Variants in ELL2 observed in about 807,000 individuals in gnomAD.
ELL2 encodes the protein RNA polymerase II elongation factor ELL2.
In ELL2, 21 loss-of-function variants were observed where a neutral mutation model predicts 72.8. The observed-to-expected ratio is 0.29, with a 90% CI of 0.20 to 0.42. The LOEUF (loss-of-function observed/expected upper bound fraction) is 0.42. Among genes scored for constraint, ELL2 ranks in the 10% least tolerant of loss-of-function variants. ELL2 has a pLI of 1.00. For missense variants in ELL2, 568 were observed against 772.8 expected (o/e 0.73, Z 3.14); for synonymous variants, 266 against 283.2 (o/e 0.94, Z 0.61).
At chr5:95,960,511 GGTGTGTGTGTATATGT>G (rs949291287) in intron 1 of ELL2, among the ~76,000 whole-genome samples, 5 of 151,778 alleles carry the variant, frequency 3.3e-5, no homozygotes, top group Non-Finnish European at 5.9e-5. Flanking sequence ...GTACTGGAGG[GGTGTGTGTGTATATGT>G]GTGTGTGTGT....
chr5:95,889,166 A>T (rs1339010193), intron 10 of ELL2, 36 bp from the exon 11 acceptor site: 6 of 1,514,364 alleles, frequency 4.0e-6, no homozygotes, highest in Non-Finnish European at 5.5e-6. Flanking sequence ...GAAGAGAACA[A>T]CTTCTTTTGT....
intron 2 of ELL2, among the ~76,000 whole-genome samples, chr5:95,941,642 G>C (rs547461106): frequency 1.3e-5 from 2 of 152,282 alleles, no homozygotes; most frequent in African/African-American, 4.8e-5. Context: ...GAACCCTACT[G>C]CTCCTAGTAA....
intron 9 of ELL2, among the ~76,000 whole-genome samples, chr5:95,892,530 T>C (rs969655823): frequency 1.3e-5 from 2 of 152,350 alleles, no homozygotes; most frequent in Non-Finnish European, 2.9e-5. Context: ...GCACTCTGTG[T>C]TCCTATCATT....
At chr5:95,916,748 GA>G (rs35336485) in intron 3 of ELL2, among the ~76,000 whole-genome samples, 54,974 of 143,312 alleles carry the variant, frequency 0.38, 11,498 homozygotes, top group African/African-American at 0.59. Flanking sequence ...CATGCCAAAG[GA>G]AAAAAAAAAA....
chr5:95,908,547 A>G (rs556799074), intron 4 of ELL2, among the ~76,000 whole-genome samples: 2 of 152,292 alleles, frequency 1.3e-5, no homozygotes, highest in African/African-American at 4.8e-5. Context: ...TGATGACTAA[A>G]TGAATGACAG....
chr5:95,952,964 T>C (rs1390538696), intron 1 of ELL2, among the ~76,000 whole-genome samples: 1 of 152,034 alleles, frequency 6.6e-6, no homozygotes, highest in Non-Finnish European at 1.5e-5. Flanking sequence ...GTGTTTCTAA[T>C]AGGAAGAAGT....
intron 1 of ELL2, among the ~76,000 whole-genome samples, chr5:95,949,770 TA>T (rs1453168369): frequency 6.6e-6 from 1 of 151,944 alleles, no homozygotes; most frequent in Non-Finnish European, 1.5e-5. Context: ...AAACTTTCTA[TA>T]AGTGGTGATG....
At chr5:95,950,946 A>G (rs1385744594) in intron 1 of ELL2, among the ~76,000 whole-genome samples, 4 of 106,398 alleles carry the variant, frequency 3.8e-5, no homozygotes, top group Non-Finnish European at 5.4e-5. Context: ...ATATATATAT[A>G]TATATATAAA....
intron 2 of ELL2, among the ~76,000 whole-genome samples, chr5:95,928,067 G>T (rs1242281679): frequency 2.0e-5 from 3 of 151,846 alleles, no homozygotes; most frequent in Non-Finnish European, 4.4e-5. Context: ...TTTGGTAGTT[G>T]GGTATTTCCA....
chr5:95,933,768 C>T (rs1487810442), intron 2 of ELL2, among the ~76,000 whole-genome samples: 1 of 151,516 alleles, frequency 6.6e-6, no homozygotes, highest in African/African-American at 2.4e-5. Context: ...GACCAATTAC[C>T]TTAAATATTC....
intron 2 of ELL2, among the ~76,000 whole-genome samples, chr5:95,933,549 T>C (rs1750672152): frequency 6.6e-6 from 1 of 152,124 alleles, no homozygotes. Flanking sequence ...ATTTTAAAAA[T>C]GTAAGTGTGA....
intron 1 of ELL2, among the ~76,000 whole-genome samples, chr5:95,949,897 T>C (rs1189449618): frequency 6.6e-6 from 1 of 152,220 alleles, no homozygotes; most frequent in Non-Finnish European, 1.5e-5. Flanking sequence ...CCTCTGGGAA[T>C]TCTCAGAAGC....
intron 4 of ELL2, 28 bp downstream of exon 4, chr5:95,913,743 C>T (rs1351019714): frequency 6.4e-7 from 1 of 1,550,812 alleles, no homozygotes; most frequent in Middle Eastern, 2.2e-4. Flanking sequence ...AATCAATCAG[C>T]AAGAGGAAGA....
At chr5:95,923,498 T>G (rs982112424) in intron 2 of ELL2, among the ~76,000 whole-genome samples, 2 of 152,214 alleles carry the variant, frequency 1.3e-5, no homozygotes, top group African/African-American at 4.8e-5. Context: ...GTGTTCACTT[T>G]GGGACCAAAG....
intron 5 of ELL2, among the ~76,000 whole-genome samples, chr5:95,901,932 C>T (rs1040306419): frequency 9.2e-5 from 14 of 152,198 alleles, no homozygotes; most frequent in Non-Finnish European, 4.4e-5. Flanking sequence ...CTCAGAACAG[C>T]GTGCTACTTA....
intron 7 of ELL2, chr5:95,900,483 C>A: frequency 2.6e-6 from 1 of 379,134 alleles, no homozygotes; most frequent in Non-Finnish European, 4.7e-6. Context: ...ACATTAAGTA[C>A]TCTGACAAGC....
intron 1 of ELL2, among the ~76,000 whole-genome samples, chr5:95,947,266 C>T (rs533536364): frequency 2.0e-5 from 3 of 151,998 alleles, no homozygotes; most frequent in South Asian, 2.1e-4. Flanking sequence ...CCACTATACA[C>T]ACTGTACACA....
intron 8 of ELL2, among the ~76,000 whole-genome samples, chr5:95,897,725 C>T (rs1748927835): frequency 6.6e-6 from 1 of 152,196 alleles, no homozygotes. Flanking sequence ...AAAGTGTTTT[C>T]ACTCTAAATA....
chr5:95,923,594 G>A (rs1750177809), intron 2 of ELL2, among the ~76,000 whole-genome samples: 1 of 152,214 alleles, frequency 6.6e-6, no homozygotes, highest in Admixed American at 6.5e-5. Flanking sequence ...GGGACATGGA[G>A]CCCAGGCCAA....
Sources: gnomAD v4.1 joint callset for allele counts (sites outside exome capture counted in the v4.1 genomes callset) on GRCh38, gnomAD v4.1.1 for gene constraint, MANE v1.5 for transcripts, NCBI Gene and HGNC (gene_info 2026-07-23, HGNC 2026-07-21) for gene names.